Variants in ASIC2 observed in about 807,000 individuals in gnomAD.
ASIC2 encodes the protein acid sensing ion channel subunit 2, also known as acid-sensing ion channel 2.
In ASIC2, 25 loss-of-function variants were observed where a neutral mutation model predicts 57.3. That is an observed-to-expected ratio of 0.44 (90% CI 0.32 to 0.61). The LOEUF (loss-of-function observed/expected upper bound fraction) is 0.61, where lower values mean the gene tolerates loss of function less well. ASIC2 is among the 20% of genes least tolerant of loss of function. The pLI is 0.06. For missense variants in ASIC2, 641 were observed against 738.1 expected, an observed-to-expected ratio of 0.87 and a Z score of 1.52; for synonymous variants, 319 against 307.5, an observed-to-expected ratio of 1.04 and a Z score of -0.39.
chr17:34,150,993 C>T (rs947996460), intron 1 of ASIC2, among the ~76,000 whole-genome samples: 3 of 151,528 alleles, frequency 2.0e-5, no homozygotes, highest in African/African-American at 7.3e-5. Context: ...GTCCCAGCTA[C>T]TCGGGAAGCT....
In ASIC2 at chr17:34,135,327, G is replaced by A. The variant is rs145713934; in HGVS notation, c.555+20651C>T. 8.5e-3 allele frequency among the ~76,000 whole-genome samples: 1,296 copies of A among 152,362 alleles called. 71 individuals carry two copies. Among genetic ancestry groups the A allele is most frequent in the Admixed American group, 0.08 (1,228 of 15,310 alleles). ...AACATGGCATAGAAGATGAGCTAGAGATAGAAAGTGGCTGAGGACCAAGTC... is the reference window on the plus strand; with the variant it reads ...AACATGGCATAGAAGATGAGCTAGAAATAGAAAGTGGCTGAGGACCAAGTC... On this transcript the variant is annotated intron_variant, in intron 1 of 9. Coordinates refer to the ASIC2 transcript ENST00000359872.
intron 1 of ASIC2, among the ~76,000 whole-genome samples, chr17:33,274,461 C>G (rs1000258085): frequency 2.6e-5 from 4 of 152,160 alleles, no homozygotes; most frequent in Non-Finnish European, 1.5e-5. Context: ...TGGGGAGAGA[C>G]AGTACAAATA....
At chr17:33,804,106 T>C (rs965401386) in intron 1 of ASIC2, among the ~76,000 whole-genome samples, 8 of 152,192 alleles carry the variant, frequency 5.3e-5, no homozygotes, top group African/African-American at 1.9e-4. Context: ...GTGTCAGAAG[T>C]CACCTGTTAT....
At chr17:33,335,447 A>G (rs935067149) in intron 1 of ASIC2, among the ~76,000 whole-genome samples, 1 of 152,240 alleles carries the variant, frequency 6.6e-6, no homozygotes, top group Non-Finnish European at 1.5e-5. Flanking sequence ...GCTTTAGATC[A>G]TCTAAGCAGC....
intron 1 of ASIC2, among the ~76,000 whole-genome samples, chr17:33,466,586 C>A (rs960951382): frequency 2.0e-5 from 3 of 152,172 alleles, no homozygotes; most frequent in Non-Finnish European, 4.4e-5. Flanking sequence ...CACTACCTGA[C>A]TTGAAACTAT....
At chr17:33,436,853 C>T (rs74251449) in intron 1 of ASIC2, among the ~76,000 whole-genome samples, 10,665 of 66,564 alleles carry the variant, frequency 0.16, 1,173 homozygotes, top group South Asian at 0.21. Flanking sequence ...ATTCCAACTT[C>T]TTTTTTTTTT....
In ASIC2 at chr17:34,054,102, C is replaced by A. The variant is rs538241553; in HGVS notation, c.555+101876G>T. On this transcript the variant is annotated intron_variant, in intron 1 of 9. Coordinates refer to the ASIC2 transcript ENST00000359872. Reference sequence around the variant, plus strand: ...AGAGCAGTCAACCGTATGTTCTTTTCATGGAATACTAACTCTGTAAATAAT... The same window carrying A: ...AGAGCAGTCAACCGTATGTTCTTTTAATGGAATACTAACTCTGTAAATAAT... Among the ~76,000 whole-genome samples the A allele has an allele frequency of 3.6e-4, 55 of 152,372 alleles. No individual in the cohort carries two copies. In the South Asian group the frequency reaches 0.011, roughly 29 times the overall value.
intron 1 of ASIC2, among the ~76,000 whole-genome samples, chr17:33,140,973 T>C (rs1243300549): frequency 6.6e-6 from 1 of 152,236 alleles, no homozygotes; most frequent in Non-Finnish European, 1.5e-5. Context: ...ATGGGGCAGC[T>C]AAGCCTGAGC....
chr17:33,158,656 G>C (rs1905077610), intron 1 of ASIC2, among the ~76,000 whole-genome samples: 1 of 152,206 alleles, frequency 6.6e-6, no homozygotes, highest in African/African-American at 2.4e-5. Flanking sequence ...GAGCCAAACT[G>C]TCTGAGTTCA....
intron 1 of ASIC2, among the ~76,000 whole-genome samples, chr17:33,633,983 C>A (rs1906262520): frequency 6.6e-6 from 1 of 152,174 alleles, no homozygotes; most frequent in African/African-American, 2.4e-5. Flanking sequence ...TCCCAGGATC[C>A]TGCCCTTGCC....
chr17:33,724,178 A>C (rs1373357169), intron 1 of ASIC2, among the ~76,000 whole-genome samples: 1 of 152,182 alleles, frequency 6.6e-6, no homozygotes, highest in Non-Finnish European at 1.5e-5. Flanking sequence ...CGGCTGCCAT[A>C]TAAGACATGA....
rs1178028957 is a variant in ASIC2 at position 33,286,853 on chromosome 17, A to AC, written c.708+4554dup. ...TGTACCAAGCCTTATTTAATTTTAT[A>AC]CCCCCCAGCAGCTAGTACAGAAACT... is the stretch of plus-strand genomic sequence containing the variant. On this transcript the variant is annotated intron_variant, in intron 1 of 9. Coordinates refer to ENST00000225823, the MANE Select transcript of ASIC2 (RefSeq NM_183377.2). Among the ~76,000 whole-genome samples the AC allele has an allele frequency of 8.8e-4, 134 of 151,980 alleles. 2 individuals are homozygous for AC. Among genetic ancestry groups the AC allele is most frequent in the Non-Finnish European group, 2.4e-4 (16 of 67,982 alleles).
intron 9 of ASIC2, among the ~76,000 whole-genome samples, chr17:33,014,528 G>C (rs2091795689): frequency 6.6e-6 from 1 of 151,962 alleles, no homozygotes; most frequent in South Asian, 2.1e-4. Context: ...GCCAGAGCTG[G>C]TCAGAGCTGC....
At chr17:33,072,231 T>G (rs531242176) in intron 3 of ASIC2, among the ~76,000 whole-genome samples, 3 of 152,214 alleles carry the variant, frequency 2.0e-5, no homozygotes, top group Admixed American at 1.3e-4. Flanking sequence ...GTGCTCACCT[T>G]TGCTTATTTC....
rs528542508 is a variant in ASIC2 at position 33,904,913 on chromosome 17, A to G, written c.555+251065T>C. Among the ~76,000 whole-genome samples, 7 of 152,268 alleles carry G rather than the reference A, an allele frequency of 4.6e-5. No individual in the cohort carries two copies. The South Asian group carries it at 8.3e-4, about 18-fold the overall frequency. On this transcript the variant is annotated intron_variant, in intron 1 of 9. Coordinates refer to the ASIC2 transcript ENST00000359872. Reference sequence around the variant, plus strand: ...TGCCAACCAGAAGGCTAACAGCCTTAATTACAGAATGTCCTTTCCCTAGGA... The same window carrying G: ...TGCCAACCAGAAGGCTAACAGCCTTGATTACAGAATGTCCTTTCCCTAGGA...
intron 1 of ASIC2, among the ~76,000 whole-genome samples, chr17:33,637,217 C>T (rs1044868948): frequency 2.0e-5 from 3 of 152,040 alleles, no homozygotes; most frequent in Admixed American, 6.6e-5. Flanking sequence ...CAGGTTTTTC[C>T]TTGATTGTTT....
At chr17:34,029,575 G>A (rs1020676533) in intron 1 of ASIC2, among the ~76,000 whole-genome samples, 2 of 152,102 alleles carry the variant, frequency 1.3e-5, no homozygotes, top group Non-Finnish European at 2.9e-5. Flanking sequence ...TTGGAGATAG[G>A]ATCTTTGGAA....
At chr17:33,828,780 G>A (rs1453810775) in intron 1 of ASIC2, among the ~76,000 whole-genome samples, 2 of 152,202 alleles carry the variant, frequency 1.3e-5, no homozygotes, top group African/African-American at 4.8e-5. Context: ...TGAACACAAT[G>A]TAGATAAAAA....
At chr17:33,014,860 GCTGA>G (rs1326044494) in intron 9 of ASIC2, among the ~76,000 whole-genome samples, 3 of 152,202 alleles carry the variant, frequency 2.0e-5, no homozygotes, top group African/African-American at 7.2e-5. Context: ...TAGGTGCTGT[GCTGA>G]CTGCTTTGCC....
Sources: allele counts gnomAD v4.1 joint callset (sites outside exome capture counted in the v4.1 genomes callset), GRCh38; gene constraint gnomAD v4.1.1; transcripts MANE v1.5; gene names NCBI Gene and HGNC (gene_info 2026-07-23, HGNC 2026-07-21).